The following ABCB4 variants were observed in gnomAD, a reference collection of about 807,000 sequenced individuals.
ABCB4 encodes phosphatidylcholine translocator ABCB4.
ABCB4 carries 76 observed loss-of-function variants against 145.7 expected under a neutral mutation model. That is an observed-to-expected ratio of 0.52 (90% CI 0.43 to 0.63). The LOEUF (loss-of-function observed/expected upper bound fraction) is 0.63, where lower values mean the gene tolerates loss of function less well. ABCB4 is among the 30% of genes least tolerant of loss of function. The pLI is 0.00. For synonymous variants in ABCB4, 517 were observed against 566.8 expected (o/e 0.91, Z 1.25); for missense variants, 1,234 against 1,553.1 (o/e 0.79, Z 3.45).
intron 19 of ABCB4, among the ~76,000 whole-genome samples, chr7:87,419,076 T>C (rs1207953120): frequency 1.3e-5 from 2 of 152,316 alleles, no homozygotes; most frequent in East Asian, 1.9e-4. Context: ...GATTTTTTGT[T>C]AAACACTGAT....
At chr7:87,395,354 C>T in the ABCB4 span, among the ~76,000 whole-genome samples, 1 of 152,142 alleles carries the variant, frequency 6.6e-6, no homozygotes, top group Non-Finnish European at 1.5e-5. Flanking sequence ...CTGACTTTCC[C>T]AGCCCACTGA....
chr7:87,439,539 C>G, intron 14 of ABCB4, 128 bp downstream of exon 14: 1 of 1,118,860 alleles, frequency 8.9e-7, no homozygotes, highest in Non-Finnish European at 1.3e-6. Context: ...AAGGAGAAAT[C>G]AATACAGCTC....
At position 87,408,281 on chromosome 7, in the gene ABCB4, T is replaced by C. The variant is rs533510070; in HGVS notation, c.3082-47A>G. The C allele has an allele frequency of 2.6e-5, 40 of 1,556,006 alleles. No individual in the cohort carries two copies. The East Asian group carries it at 7.8e-4, about 30-fold the overall frequency. ...GCTATTATAATTGGCCTGATAATTATTGGAATAAGAAATATTATTTCAAGG... is the reference window on the plus strand; with the variant it reads ...GCTATTATAATTGGCCTGATAATTACTGGAATAAGAAATATTATTTCAAGG... On this transcript the variant is annotated intron_variant, in intron 24 of 27. Transcript: ENST00000649586.
the ABCB4 span, among the ~76,000 whole-genome samples, chr7:87,380,946 A>G: frequency 3.5e-4 from 53 of 152,234 alleles, no homozygotes; most frequent in Non-Finnish European, 6.2e-4. Flanking sequence ...TAAACTGCTC[A>G]GGCATCTTAT....
chr7:87,439,916 A>G, intron 13 of ABCB4, 79 bp from the exon 14 acceptor site: 1 of 1,562,972 alleles, frequency 6.4e-7, no homozygotes, highest in Non-Finnish European at 8.8e-7. Context: ...CTACATAAAG[A>G]CAACATGGAG....
intron 16 of ABCB4, among the ~76,000 whole-genome samples, chr7:87,426,214 G>T (rs1386856351): frequency 6.6e-6 from 1 of 152,192 alleles, no homozygotes; most frequent in Non-Finnish European, 1.5e-5. Context: ...AAGTGACCCT[G>T]AGGATGGAAA....
At chr7:87,365,946 A>G in the ABCB4 span, among the ~76,000 whole-genome samples, 1 of 152,064 alleles carries the variant, frequency 6.6e-6, no homozygotes, top group Non-Finnish European at 1.5e-5. Context: ...CTAGGAGACC[A>G]TTAAGACTAA....
intron 24 of ABCB4, 23 bp downstream of exon 24, chr7:87,409,213 T>TC: frequency 1.2e-6 from 2 of 1,613,822 alleles, no homozygotes; most frequent in Non-Finnish European, 1.7e-6. Flanking sequence ...TGATCAAGCA[T>TC]CATCAGGCAT....
intron 21 of ABCB4, among the ~76,000 whole-genome samples, chr7:87,415,821 C>G (rs1273070181): frequency 6.6e-6 from 1 of 152,196 alleles, no homozygotes; most frequent in East Asian, 1.9e-4. Flanking sequence ...AGACTATTAA[C>G]TAGATTCAAG....
At position 87,424,055 on chromosome 7, in the gene ABCB4, A is replaced by G. The variant is rs772471049; in HGVS notation, c.2065-3T>C. 29 of 1,613,894 alleles carry G rather than the reference A, an allele frequency of 1.8e-5. No homozygotes were observed. The African/African-American group carries it at 3.3e-4, about 19-fold the overall frequency. ...GACACTGGTGGCACATTTGCTTCCT[A>G]GAACATATAAACATCAGGGCAAACT... is the stretch of plus-strand genomic sequence containing the variant. On this transcript the variant is annotated splice_region_variant and splice_polypyrimidine_tract_variant and intron_variant, in intron 16 of 27. Coordinates refer to ENST00000649586, the MANE Select transcript of ABCB4 (RefSeq NM_000443.4).
rs1392826809 is a variant in ABCB4, at chr7:87,424,044, A to G, written c.2073T>C (p.Asn691=). 5 of 1,613,902 alleles carry G rather than the reference A, an allele frequency of 3.1e-6. No homozygotes were observed. In the Admixed American group the frequency reaches 6.7e-5, roughly 22 times the overall value. ...LDVETDGLEA[N]VPPVSFLKVL... Reference sequence around the variant, plus strand: ...CCTTCAGAAAGGACACTGGTGGCACATTTGCTTCCTAGAACATATAAACAT... The same window carrying G: ...CCTTCAGAAAGGACACTGGTGGCACGTTTGCTTCCTAGAACATATAAACAT... Residue 691 remains asparagine (N), a synonymous_variant, in exon 17 of 28, where the codon AAT becomes AAC. Transcript: ENST00000649586.
At chr7:87,391,642 C>G in the ABCB4 span, 1 of 1,611,310 alleles carries the variant, frequency 6.2e-7, no homozygotes, top group African/African-American at 1.3e-5. Context: ...CATGGCCGTA[C>G]AGAGACTATG....
At chr7:87,380,072 C>T in the ABCB4 span, among the ~76,000 whole-genome samples, 2 of 152,142 alleles carry the variant, frequency 1.3e-5, no homozygotes, top group South Asian at 4.1e-4. Flanking sequence ...GGTTGTACCA[C>T]TGCACTCCCA....
At chr7:87,383,630 G>A in the ABCB4 span, among the ~76,000 whole-genome samples, 5 of 151,876 alleles carry the variant, frequency 3.3e-5, no homozygotes, top group Admixed American at 2.6e-4. Flanking sequence ...CTGAGTAGCT[G>A]GGATTACAGG....
intron 26 of ABCB4, 126 bp downstream of exon 26, chr7:87,406,162 C>T (rs1201278778): frequency 3.1e-6 from 3 of 964,662 alleles, no homozygotes; most frequent in Non-Finnish European, 4.9e-6. Flanking sequence ...TCCTGAAGTG[C>T]CTTGTCCAAG....
the ABCB4 span, chr7:87,382,581 G>A: frequency 5.7e-6 from 9 of 1,573,770 alleles, no homozygotes; most frequent in South Asian, 8.3e-5. Flanking sequence ...CAGTCTTGAA[G>A]TCCAAGGGTA....
chr7:87,451,822 C>T, intron 6 of ABCB4, 28 bp from the exon 7 acceptor site: 1 of 1,611,928 alleles, frequency 6.2e-7, no homozygotes, highest in African/African-American at 1.3e-5. Context: ...TAAGTGGTTA[C>T]AGGCAGGAGG....
At chr7:87,456,102 G>C (rs1191885556) in intron 4 of ABCB4, among the ~76,000 whole-genome samples, 1 of 152,044 alleles carries the variant, frequency 6.6e-6, no homozygotes. Context: ...TTTTAAATAG[G>C]GCAAATTGGA....
At chr7:87,416,295 T>TATA (rs1038543431) in intron 21 of ABCB4, among the ~76,000 whole-genome samples, 1 of 152,218 alleles carries the variant, frequency 6.6e-6, no homozygotes, top group African/African-American at 2.4e-5. Flanking sequence ...TCCCTCTTAA[T>TATA]ATGGTGCCTC....
Sources: gnomAD v4.1 joint callset for allele counts (sites outside exome capture counted in the v4.1 genomes callset) on GRCh38, gnomAD v4.1.1 for gene constraint, MANE v1.5 for transcripts, NCBI Gene and HGNC (gene_info 2026-07-23, HGNC 2026-07-21) for gene names.